Variants in CBFB observed in about 807,000 individuals in gnomAD.
The protein encoded by CBFB is core-binding factor subunit beta.
In CBFB, 9 loss-of-function variants were observed where a neutral mutation model predicts 30.4. The ratio of observed to expected loss-of-function variants is 0.30; its 90% CI spans 0.18 to 0.52. The LOEUF (loss-of-function observed/expected upper bound fraction) is 0.52. Among genes scored for constraint, CBFB ranks in the 20% least tolerant of loss-of-function variants. The pLI is 0.97. For synonymous variants in CBFB, 94 were observed against 84.0 expected, an observed-to-expected ratio of 1.12 and a Z score of -0.65; for missense variants, 170 against 244.0, an observed-to-expected ratio of 0.70 and a Z score of 2.02.
In CBFB at chr16:67,100,560, CTTTTTAAGTGA is replaced by C; in HGVS notation, c.*1784_*1794del. The C allele has an allele frequency of 4.4e-6, 1 of 227,130 alleles. No homozygotes were observed. Among genetic ancestry groups the C allele is most frequent in the Non-Finnish European group, 8.8e-6 (1 of 113,934 alleles). The allele number at this position is 227,130 out of a possible 1,614,324, so 14.1% of individuals were successfully genotyped here. On this transcript the variant is annotated 3_prime_UTR_variant, in exon 6 of 6. Transcript: ENST00000412916. Reference sequence around the variant, plus strand: ...GCCCTAATTTCCCCTGAGGGAATCGCTTTTTAAGTGATCCTTACAGTGGTGTTTTATGTTAC... The same window carrying C: ...GCCCTAATTTCCCCTGAGGGAATCGCTCCTTACAGTGGTGTTTTATGTTAC...
chr16:67,041,694 T>C (rs1197855189), intron 3 of CBFB, among the ~76,000 whole-genome samples: 2 of 151,978 alleles, frequency 1.3e-5, no homozygotes, highest in Non-Finnish European at 2.9e-5. Flanking sequence ...TGGAACAATT[T>C]TGAACAGCAG....
In CBFB at chr16:67,048,582, G is replaced by A. The variant is rs111984804; in HGVS notation, c.282+11827G>A. 4.4e-3 allele frequency among the ~76,000 whole-genome samples: 673 copies of A among 152,146 alleles called. 3 individuals are homozygous for A. The highest frequency in any genetic ancestry group is 0.015 in the African/African-American group (643 of 41,516). ...GTTTGTTTGTTTGAGACAGAGTCTC[G>A]CTCTGTTGTCGAGGCTGGAGTGCAG... On this transcript the variant is annotated intron_variant, in intron 3 of 5. Transcript: ENST00000412916.
At chr16:67,096,008 A>G (rs528730381) in intron 5 of CBFB, among the ~76,000 whole-genome samples, 5 of 151,594 alleles carry the variant, frequency 3.3e-5, no homozygotes, top group Non-Finnish European at 5.9e-5. Context: ...CATCTCTTTA[A>G]AACAAAATGA....
intron 3 of CBFB, among the ~76,000 whole-genome samples, chr16:67,061,549 G>C (rs757374691): frequency 6.6e-6 from 1 of 152,080 alleles, no homozygotes; most frequent in Non-Finnish European, 1.5e-5. Flanking sequence ...AAACTGTTGA[G>C]ACAGAATTTT....
chr16:67,071,812 A>G (rs1306809688), intron 4 of CBFB, among the ~76,000 whole-genome samples: 1 of 152,102 alleles, frequency 6.6e-6, no homozygotes, highest in Non-Finnish European at 1.5e-5. Context: ...TACTGCTTGT[A>G]CTTTAGCATT....
intron 2 of CBFB, among the ~76,000 whole-genome samples, chr16:67,034,245 CTA>C (rs1462221621): frequency 2.0e-5 from 3 of 152,248 alleles, no homozygotes; most frequent in African/African-American, 7.2e-5. Flanking sequence ...AGAGTAAAAA[CTA>C]ATACATATTT....
chr16:67,036,893 G>T, intron 3 of CBFB, 138 bp downstream of exon 3: 1 of 610,272 alleles, frequency 1.6e-6, no homozygotes, highest in East Asian at 2.7e-5. Context: ...CATGTTATAA[G>T]GATGTAATAT....
At chr16:67,031,955 A>T (rs1369171444) in intron 2 of CBFB, among the ~76,000 whole-genome samples, 1 of 151,960 alleles carries the variant, frequency 6.6e-6, no homozygotes, top group Non-Finnish European at 1.5e-5. Flanking sequence ...GCCTCCCAAT[A>T]GCTGGGACTA....
chr16:67,095,210 C>CCA (rs1962006530), intron 5 of CBFB, among the ~76,000 whole-genome samples: 1 of 27,070 alleles, frequency 3.7e-5, no homozygotes, highest in African/African-American at 1.2e-4. Flanking sequence ...AAGTGTGTCT[C>CCA]AAAAAAAAAA....
intron 2 of CBFB, among the ~76,000 whole-genome samples, chr16:67,031,929 C>G (rs1356900827): frequency 1.3e-5 from 2 of 151,968 alleles, no homozygotes; most frequent in African/African-American, 4.8e-5. Context: ...TGGGCTCAAG[C>G]GATCCTCTTG....
intron 4 of CBFB, among the ~76,000 whole-genome samples, chr16:67,079,515 CTTTT>C (rs34164177): frequency 3.0e-5 from 3 of 98,668 alleles, no homozygotes; most frequent in South Asian, 3.8e-4. Context: ...GGCCCTGGGT[CTTTT>C]TTTTTTTTTT....
At chr16:67,047,555 A>G (rs1242023821) in intron 3 of CBFB, among the ~76,000 whole-genome samples, 1 of 152,216 alleles carries the variant, frequency 6.6e-6, no homozygotes, top group East Asian at 1.9e-4. Context: ...GATGTTTTCA[A>G]ATAAACAAAT....
intron 1 of CBFB, 78 bp from the exon 2 acceptor site, chr16:67,029,649 C>A (rs890599994): frequency 1.4e-6 from 2 of 1,399,294 alleles, no homozygotes; most frequent in Non-Finnish European, 2.0e-6. Context: ...TTGCCCTTAT[C>A]GGCGCTGCGC....
At chr16:67,036,501 G>A in intron 2 of CBFB, 138 bp from the exon 3 acceptor site, 1 of 584,768 alleles carries the variant, frequency 1.7e-6, no homozygotes, top group Middle Eastern at 3.6e-4. Context: ...AAAATGATGA[G>A]TGCATGTTTT....
intron 5 of CBFB, among the ~76,000 whole-genome samples, chr16:67,091,514 A>C (rs962123550): frequency 2.6e-5 from 4 of 152,218 alleles, no homozygotes; most frequent in Admixed American, 2.0e-4. Context: ...GCCTAAGGTG[A>C]CATAGCTGAA....
At chr16:67,093,351 T>C (rs895343561) in intron 5 of CBFB, 2 of 149,670 alleles carry the variant, frequency 1.3e-5, no homozygotes, top group African/African-American at 4.9e-5. Flanking sequence ...AATTTTCCCA[T>C]GAAGAGTTTT....
intron 4 of CBFB, among the ~76,000 whole-genome samples, chr16:67,067,540 A>C (rs1451357847): frequency 6.6e-6 from 1 of 152,126 alleles, no homozygotes; most frequent in Non-Finnish European, 1.5e-5. Context: ...AACAACGAAC[A>C]ACACCCATTT....
chr16:67,066,726 C>G lies in CBFB; in HGVS notation c.327C>G (p.Ile109Met), dbSNP rs536650594. 6.2e-7 allele frequency: 1 copy of G among 1,610,166 alleles called. No homozygotes were observed. The highest frequency in any genetic ancestry group is 1.3e-5 in the African/African-American group (1 of 74,918). The change falls in exon 4 of 6, where the codon ATC (isoleucine) becomes ATG (methionine). Residue 109 changes from isoleucine (I) to methionine (M), a missense_variant. Coordinates refer to ENST00000412916, the MANE Select transcript of CBFB (RefSeq NM_022845.3). Reference sequence around the variant, plus strand: ...TGATTCTGAATGGAGTCTGTGTTATCTGGAAAGGCTGGATTGATCTCCAAA... The same window carrying G: ...TGATTCTGAATGGAGTCTGTGTTATGTGGAAAGGCTGGATTGATCTCCAAA... Reference protein sequence around the residue: ...APMILNGVCVIWKGWIDLQRL... With the variant: ...APMILNGVCVMWKGWIDLQRL...
chr16:67,053,455 C>G (rs1021820593), intron 3 of CBFB, among the ~76,000 whole-genome samples: 3 of 151,870 alleles, frequency 2.0e-5, no homozygotes, highest in Admixed American at 6.6e-5. Context: ...TGGGGTGTCA[C>G]TGTGTTAGCC....
Sources: gnomAD v4.1 joint callset for allele counts (sites outside exome capture counted in the v4.1 genomes callset) on GRCh38, gnomAD v4.1.1 for gene constraint, MANE v1.5 for transcripts, NCBI Gene and HGNC (gene_info 2026-07-23, HGNC 2026-07-21) for gene names.